Variants in RAB11FIP2 observed in about 807,000 individuals in gnomAD.
RAB11FIP2 encodes rab11 family-interacting protein 2.
A neutral mutation model predicts 40.9 loss-of-function variants in RAB11FIP2; 16 were observed. The ratio of observed to expected loss-of-function variants is 0.39; its 90% CI spans 0.26 to 0.59. RAB11FIP2 has a LOEUF of 0.59. RAB11FIP2 is among the 20% of genes least tolerant of loss of function. The pLI is 0.53. For synonymous variants in RAB11FIP2, 228 were observed against 213.7 expected, an observed-to-expected ratio of 1.07 and a Z score of -0.58; for missense variants, 532 against 606.2, an observed-to-expected ratio of 0.88 and a Z score of 1.28.
In RAB11FIP2 at chr10:118,005,755, G is replaced by GC. The variant is rs1846084187; in HGVS notation, c.*3242_*3243insG. ...TAGATATATTAGACAACAGTTTTTT[G>GC]TTTTTTTTTTTAGATTCTCTTTGTT... is the stretch of plus-strand genomic sequence containing the variant. On this transcript the variant is annotated 3_prime_UTR_variant, in exon 5 of 5. Transcript: ENST00000355624. 6.9e-6 allele frequency: 1 copy of GC among 145,246 alleles called. No individual in the cohort carries two copies. Among genetic ancestry groups the GC allele is most frequent in the African/African-American group, 2.5e-5 (1 of 39,688 alleles). 9.0% of individuals were successfully genotyped at this position (145,246 alleles called of 1,614,324 possible). A position where few individuals can be genotyped will look rare whatever the true frequency, so the allele number is the denominator to read the frequency against.
intron 3 of RAB11FIP2, among the ~76,000 whole-genome samples, chr10:118,035,517 A>G (rs1846470214): frequency 6.6e-6 from 1 of 152,172 alleles, no homozygotes; most frequent in South Asian, 2.1e-4. Flanking sequence ...GAATGAGAGT[A>G]GCATTTCAGG....
At chr10:118,045,604 A>T (rs1442822183) in intron 1 of RAB11FIP2, 2 of 535,682 alleles carry the variant, frequency 3.7e-6, no homozygotes, top group Non-Finnish European at 6.6e-6. Flanking sequence ...TAACAGAAAG[A>T]ATAAGGGATC....
At chr10:118,035,027 G>A (rs576763544) in intron 3 of RAB11FIP2, among the ~76,000 whole-genome samples, 52 of 152,226 alleles carry the variant, frequency 3.4e-4, no homozygotes, top group Admixed American at 1.2e-3. Context: ...TGGAAGTAAT[G>A]CATACTGCAC....
At position 118,040,116 on chromosome 10, in the gene RAB11FIP2, C is replaced by T. The variant is rs746560431; in HGVS notation, c.796+7G>A. On this transcript the variant is annotated splice_region_variant and intron_variant, in intron 2 of 4. Transcript: ENST00000355624. ...GACCAATGAGTACACAAGAATGTGA[C>T]ACTTACCACTTTCTGGAACTGTTCC... 8.7e-6 allele frequency: 14 copies of T among 1,608,590 alleles called. No homozygotes were observed. The highest frequency in any genetic ancestry group is 1.2e-5 in the Non-Finnish European group (14 of 1,176,174).
intron 1 of RAB11FIP2, 157 bp downstream of exon 1, chr10:118,045,654 T>A (rs1846619016): frequency 3.4e-6 from 2 of 589,782 alleles, no homozygotes; most frequent in African/African-American, 3.7e-5. Flanking sequence ...TCACGAGTGC[T>A]ACTTTTACTT....
In RAB11FIP2 at chr10:118,008,006, C is replaced by T. The variant is rs1172653772; in HGVS notation, c.*992G>A. The T allele has an allele frequency of 6.6e-6, 1 of 152,438 alleles. No homozygotes were observed. The highest frequency in any genetic ancestry group is 1.5e-5 in the Non-Finnish European group (1 of 67,980). 9.4% of individuals were successfully genotyped at this position (152,438 alleles called of 1,614,324 possible). On this transcript the variant is annotated 3_prime_UTR_variant, in exon 5 of 5. Coordinates refer to ENST00000355624, the MANE Select transcript of RAB11FIP2 (RefSeq NM_014904.3). ...CCGCTGCTTTGGGTTATCAGACACA[C>T]CAGGCAATCACATACTTCCCACAAT...
chr10:118,041,469 A>G (rs1362561538), intron 1 of RAB11FIP2, among the ~76,000 whole-genome samples: 1 of 152,158 alleles, frequency 6.6e-6, no homozygotes, highest in Non-Finnish European at 1.5e-5. Flanking sequence ...CCAGTTGGCC[A>G]TGTCACAAGT....
rs560339710 is a variant in RAB11FIP2, at chr10:118,023,020, C to T, written c.1266-7910G>A. On this transcript the variant is annotated intron_variant, in intron 3 of 4. Transcript: ENST00000355624. Reference sequence around the variant, plus strand: ...GTGTTTTTCAGTTCTTTTTAAGATACGAAGAATTATTCTCATATTTAAGTC... The same window carrying T: ...GTGTTTTTCAGTTCTTTTTAAGATATGAAGAATTATTCTCATATTTAAGTC... Among the ~76,000 whole-genome samples, 8 of 152,168 alleles carry T rather than the reference C, an allele frequency of 5.3e-5. No individual in the cohort carries two copies. In the South Asian group the frequency reaches 1.2e-3, roughly 24 times the overall value.
At chr10:118,037,356 AAAGT>A (rs1425469727) in intron 3 of RAB11FIP2, among the ~76,000 whole-genome samples, 6 of 152,274 alleles carry the variant, frequency 3.9e-5, no homozygotes, top group Admixed American at 1.3e-4. Context: ...GAAAACAAAA[AAAGT>A]ACACTTCACT....
chr10:118,023,008 CTTTT>C (rs1470906231), intron 3 of RAB11FIP2, among the ~76,000 whole-genome samples: 28 of 152,044 alleles, frequency 1.8e-4, no homozygotes, highest in Non-Finnish European at 2.9e-5. Flanking sequence ...TTTTTCAGTT[CTTTT>C]TAAGATACGA....
chr10:118,034,162 T>G, intron 3 of RAB11FIP2: 1 of 644,510 alleles, frequency 1.6e-6, no homozygotes. Context: ...GAACAAAACT[T>G]TACAAAAACT....
At chr10:118,022,270 C>A (rs1846291018) in intron 3 of RAB11FIP2, among the ~76,000 whole-genome samples, 1 of 152,234 alleles carries the variant, frequency 6.6e-6, no homozygotes, top group Non-Finnish European at 1.5e-5. Context: ...TAAGACCAAA[C>A]TGTCTTCTGC....
At chr10:118,039,681 A>G (rs1846529500) in intron 2 of RAB11FIP2, 1 of 461,074 alleles carries the variant, frequency 2.2e-6, no homozygotes, top group African/African-American at 2.0e-5. Context: ...ACAATCATAT[A>G]AACTATGATG....
intron 3 of RAB11FIP2, among the ~76,000 whole-genome samples, chr10:118,022,445 T>G (rs2133169165): frequency 6.6e-6 from 1 of 152,272 alleles, no homozygotes; most frequent in East Asian, 1.9e-4. Flanking sequence ...ACAAAATTTC[T>G]TAGACTGGCT....
chr10:118,033,696 A>G (rs550025421), intron 3 of RAB11FIP2, among the ~76,000 whole-genome samples: 1 of 152,262 alleles, frequency 6.6e-6, no homozygotes, highest in Admixed American at 6.5e-5. Flanking sequence ...AAAAGCCTAA[A>G]ATACAACAAG....
At chr10:118,040,076 T>C in intron 2 of RAB11FIP2, 47 bp downstream of exon 2, 3 of 1,498,662 alleles carry the variant, frequency 2.0e-6, no homozygotes, top group South Asian at 1.3e-5. Context: ...CTTTAAAAAC[T>C]AAAAGGGTAG....
intron 1 of RAB11FIP2, among the ~76,000 whole-genome samples, chr10:118,043,179 T>C (rs960861774): frequency 3.3e-5 from 5 of 152,014 alleles, no homozygotes; most frequent in African/African-American, 1.2e-4. Context: ...TGGTCAGAAA[T>C]GGGACAAAAT....
intron 3 of RAB11FIP2, among the ~76,000 whole-genome samples, chr10:118,036,827 C>A (rs921238713): frequency 7.2e-5 from 11 of 151,928 alleles, no homozygotes; most frequent in Admixed American, 2.0e-4. Flanking sequence ...CTAGAAACAG[C>A]CAATAATAAT....
At position 118,039,107 on chromosome 10, in the gene RAB11FIP2, T is replaced by C. The variant is rs531343821; in HGVS notation, c.1130A>G (p.Asn377Ser). Residue 377 changes from asparagine (N) to serine (S), a missense_variant, in exon 3 of 5, where the codon AAT becomes AGT. Asn to Ser is a conservative substitution (Grantham distance 46). Coordinates refer to ENST00000355624, the MANE Select transcript of RAB11FIP2 (RefSeq NM_014904.3). ...GTCACAAGGGCTATCAGATCCCCCA[T>C]TGTTAAGTTTATCAGATCTTCTGCT... ...KDSRRSDKLN[N>S]GGSDSPCDLK... is the part of the protein sequence containing the mutation. The C allele has an allele frequency of 4.2e-5, 68 of 1,613,782 alleles. No homozygotes were observed. Among genetic ancestry groups the C allele is most frequent in the African/African-American group, 2.9e-4 (22 of 75,036 alleles).
Sources: gnomAD v4.1 joint callset for allele counts (sites outside exome capture counted in the v4.1 genomes callset) on GRCh38, gnomAD v4.1.1 for gene constraint, MANE v1.5 for transcripts, NCBI Gene and HGNC (gene_info 2026-07-23, HGNC 2026-07-21) for gene names.